The following UTRN variants were observed in gnomAD, a reference collection of about 807,000 sequenced individuals.
UTRN encodes the protein dystrophin-related protein 1.
Under a neutral mutation model 463.9 loss-of-function variants are expected in UTRN, and 283 were observed. The ratio of observed to expected loss-of-function variants is 0.61; its 90% CI spans 0.55 to 0.67. UTRN has a LOEUF of 0.67. Among genes scored for constraint, UTRN ranks in the 30% least tolerant of loss-of-function variants. The pLI is 0.00. For missense variants in UTRN, 3,922 were observed against 4,084.3 expected, an observed-to-expected ratio of 0.96 and a Z score of 1.08; for synonymous variants, 1,442 against 1,431.5, an observed-to-expected ratio of 1.01 and a Z score of -0.17.
At chr6:144,667,663 C>G (rs1780564077) in intron 51 of UTRN, among the ~76,000 whole-genome samples, 1 of 152,156 alleles carries the variant, frequency 6.6e-6, no homozygotes, top group Non-Finnish European at 1.5e-5. Context: ...TCTTAAAATG[C>G]ACTTCAGGAC....
At chr6:144,794,078 G>A in intron 63 of UTRN, 87 bp downstream of exon 63, 1 of 1,518,716 alleles carries the variant, frequency 6.6e-7, no homozygotes, top group Non-Finnish European at 8.9e-7. Flanking sequence ...AACTCGGGCT[G>A]GAGCCAAATA....
At chr6:144,485,711 T>C (rs1022652167) in intron 28 of UTRN, among the ~76,000 whole-genome samples, 192 bp downstream of exon 28, 3 of 152,262 alleles carry the variant, frequency 2.0e-5, no homozygotes, top group Admixed American at 6.5e-5. Context: ...GGTGACCCAT[T>C]ATATCAGCCT....
chr6:144,701,229 ATTAATC>A (rs2128698353), intron 53 of UTRN, among the ~76,000 whole-genome samples: 1 of 152,186 alleles, frequency 6.6e-6, no homozygotes, highest in South Asian at 2.1e-4. Flanking sequence ...TAAACTACAA[ATTAATC>A]TTAAATTCAA....
At chr6:144,740,742 T>G (rs1282771036) in intron 54 of UTRN, among the ~76,000 whole-genome samples, 1 of 152,216 alleles carries the variant, frequency 6.6e-6, no homozygotes. Context: ...GGGTAAAAAT[T>G]TGGAAAATGT....
chr6:144,807,814 G>A (rs1163836929), intron 65 of UTRN, among the ~76,000 whole-genome samples: 2 of 152,014 alleles, frequency 1.3e-5, no homozygotes, highest in Non-Finnish European at 2.9e-5. Flanking sequence ...TTACCTCCTT[G>A]AGGACTGGGA....
At chr6:144,429,822 G>A in intron 9 of UTRN, 81 bp downstream of exon 9, 1 of 1,469,170 alleles carries the variant, frequency 6.8e-7, no homozygotes, top group Non-Finnish European at 9.2e-7. Flanking sequence ...CTTTTAGAGG[G>A]TTTTTTTCTT....
At chr6:144,288,385 G>A (rs1803886966) in intron 1 of UTRN, among the ~76,000 whole-genome samples, 2 of 152,194 alleles carry the variant, frequency 1.3e-5, no homozygotes, top group Admixed American at 1.3e-4. Context: ...AAGGCTTTGG[G>A]TAGCATAGAA....
chr6:144,451,588 T>C, intron 18 of UTRN, 95 bp downstream of exon 18: 1 of 1,398,416 alleles, frequency 7.2e-7, no homozygotes, highest in Non-Finnish European at 9.5e-7. Flanking sequence ...TTCAAAAGCC[T>C]CCTGTAAAAT....
chr6:144,835,858 A>C lies in UTRN; in HGVS notation c.9744A>C (p.Pro3248=). Residue 3248 remains proline, a synonymous_variant, in exon 70 of 75, where the codon CCA becomes CCC. Transcript: ENST00000367545. ...GESPVSQPQS[P]AQILKSVERE... The stretch of plus-strand genomic sequence containing the variant: ...CCCCAGTGAGCCAGCCGCAGAGCCC[A>C]GCTCAGATCCTGAAGTCAGTAGAGA... 1.2e-6 allele frequency: 2 copies of C among 1,614,172 alleles called. No individual in the cohort carries two copies. Among genetic ancestry groups the C allele is most frequent in the Non-Finnish European group, 8.5e-7 (1 of 1,179,996 alleles).
intron 51 of UTRN, among the ~76,000 whole-genome samples, chr6:144,644,876 A>C (rs4617011): frequency 6.6e-6 from 1 of 152,172 alleles, no homozygotes; most frequent in Non-Finnish European, 1.5e-5. Flanking sequence ...ATTCCTCAGA[A>C]CCATAGTATT....
intron 2 of UTRN, among the ~76,000 whole-genome samples, chr6:144,313,746 C>G (rs1775091581): frequency 6.6e-6 from 1 of 152,196 alleles, no homozygotes. Flanking sequence ...TGCATATCCC[C>G]TTGGTCCTCT....
intron 9 of UTRN, among the ~76,000 whole-genome samples, chr6:144,431,617 A>T (rs1584756678): frequency 1.3e-5 from 2 of 152,182 alleles, no homozygotes; most frequent in Non-Finnish European, 2.9e-5. Flanking sequence ...CCGTCTGAAC[A>T]TTTGTGTTTA....
At chr6:144,682,635 G>C (rs1432818656) in intron 52 of UTRN, among the ~76,000 whole-genome samples, 1 of 152,024 alleles carries the variant, frequency 6.6e-6, no homozygotes, top group Non-Finnish European at 1.5e-5. Context: ...CCACATGCTA[G>C]ACAGCATTTG....
chr6:144,459,485 T>C, intron 21 of UTRN, 131 bp downstream of exon 21: 1 of 994,806 alleles, frequency 1.0e-6, no homozygotes, highest in Non-Finnish European at 1.4e-6. Flanking sequence ...GCCTGTATTG[T>C]TCAAAGTCTT....
intron 6 of UTRN, among the ~76,000 whole-genome samples, chr6:144,425,696 A>T (rs1785237119): frequency 6.6e-6 from 1 of 152,052 alleles, no homozygotes; most frequent in Non-Finnish European, 1.5e-5. Flanking sequence ...TTTTACTAGT[A>T]CTCATTTCAG....
At chr6:144,620,444 A>C (rs1285115187) in intron 51 of UTRN, among the ~76,000 whole-genome samples, 1 of 152,080 alleles carries the variant, frequency 6.6e-6, no homozygotes, top group Non-Finnish European at 1.5e-5. Flanking sequence ...ATCACTTTGA[A>C]AAAAAGCATA....
intron 56 of UTRN, among the ~76,000 whole-genome samples, chr6:144,752,164 C>G (rs572881429): frequency 1.3e-5 from 2 of 152,020 alleles, no homozygotes; most frequent in Admixed American, 1.3e-4. Flanking sequence ...TTTTGATGTA[C>G]TATTCATATG....
At chr6:144,690,095 T>TTTTTTTTTTTTTTG (rs59704043) in intron 52 of UTRN, among the ~76,000 whole-genome samples, 1 of 33,454 alleles carries the variant, frequency 3.0e-5, no homozygotes, top group African/African-American at 1.4e-4. Flanking sequence ...TTTTTTTTTT[T>TTTTTTTTTTTTTTG]TGTGTGTGTG....
Position 144,749,213 on chromosome 6 carries a change from A to C in UTRN, c.8208+699A>C, listed in dbSNP as rs182496952. ...AAGTTAATAAAATTTAGACAATAAG[A>C]GATATAAGAGATGGTTTAAAGTATA... On this transcript the variant is annotated intron_variant, in intron 55 of 74. Transcript: ENST00000367545. Among the ~76,000 whole-genome samples the C allele has an allele frequency of 1.8e-3, 267 of 152,334 alleles. 6 individuals are homozygous for C. Among genetic ancestry groups the C allele is most frequent in the Non-Finnish European group, 1.0e-3 (71 of 68,026 alleles).
Sources: allele counts gnomAD v4.1 joint callset (sites outside exome capture counted in the v4.1 genomes callset), GRCh38; gene constraint gnomAD v4.1.1; transcripts MANE v1.5; gene names NCBI Gene and HGNC (gene_info 2026-07-23, HGNC 2026-07-21).